NPRL2: variants seen among roughly 807,000 people sequenced by gnomAD.
NPRL2 encodes GATOR1 complex protein NPRL2.
Under a neutral mutation model 51.1 loss-of-function variants are expected in NPRL2, and 21 were observed. That is an observed-to-expected ratio of 0.41 (90% CI 0.29 to 0.59). The LOEUF is 0.59. Ranked by LOEUF, NPRL2 falls within the 20% of genes least tolerant of loss-of-function variation. The pLI is 0.29. For missense variants in NPRL2, 376 were observed against 483.4 expected, an observed-to-expected ratio of 0.78 and a Z score of 2.08; for synonymous variants, 175 against 187.8, an observed-to-expected ratio of 0.93 and a Z score of 0.56.
rs1314912173 is a variant in NPRL2, at chr3:50,348,285, C to G, written c.814+32G>C. 3 of 1,613,818 alleles carry G rather than the reference C, an allele frequency of 1.9e-6. No individual in the cohort carries two copies. Among genetic ancestry groups the G allele is most frequent in the Non-Finnish European group, 2.5e-6 (3 of 1,179,880 alleles). On this transcript the variant is annotated intron_variant, in intron 8 of 10. Transcript: ENST00000232501. The surrounding 1 kb of genome is among the most constrained non-coding windows in gnomAD (Gnocchi z 5.8). Reference sequence around the variant, plus strand: ...AGCTCATCATGTGGCCCTGCCCTCCCCAAGATGGCTTCCCCCAGAACCCAC... The same window carrying G: ...AGCTCATCATGTGGCCCTGCCCTCCGCAAGATGGCTTCCCCCAGAACCCAC...
chr3:50,348,621 C>A lies in NPRL2; in HGVS notation c.684-58G>T, dbSNP rs372222934. The A allele has an allele frequency of 5.6e-6, 9 of 1,613,876 alleles. No individual in the cohort carries two copies. The highest frequency in any genetic ancestry group is 6.8e-6 in the Non-Finnish European group (8 of 1,179,970). ...ACCATGCCTTCCCAACCCTCACACC[C>A]AGGGCCCCTGAGGTCTTCCCTGGCT... is the stretch of plus-strand genomic sequence containing the variant. On this transcript the variant is annotated intron_variant, in intron 6 of 10. Transcript: ENST00000232501. The surrounding 1 kb of genome is among the most constrained non-coding windows in gnomAD (Gnocchi z 5.8).
At position 50,350,712 on chromosome 3, in the gene NPRL2, CCTGTGAACACT is replaced by C. The variant is rs1280882033; in HGVS notation, c.-71_-61del. 10 of 1,550,022 alleles carry C rather than the reference CCTGTGAACACT, an allele frequency of 6.5e-6. No homozygotes were observed. The African/African-American group carries it at 1.4e-4, about 21-fold the overall frequency. ...TCCTCGCGCAGAGGCGTCCCCACCT[CCTGTGAACACT>C]TGTCAGAGACAGCCTCGAGGCCTGT... On this transcript the variant is annotated 5_prime_UTR_variant, in exon 1 of 11. Coordinates refer to ENST00000232501, the MANE Select transcript of NPRL2 (RefSeq NM_006545.5). This position sits in a 1 kb window ranked among gnomAD's most constrained non-coding sequence, Gnocchi z 5.7.
chr3:50,348,855 C>G lies in NPRL2; in HGVS notation c.585+19G>C, dbSNP rs1703648998. ...TGTGGCCAGCCCCAGGTGATGATAC[C>G]CAGGGAGGGATGGCATACTTGTTGT... On this transcript the variant is annotated intron_variant, in intron 5 of 10. Coordinates refer to ENST00000232501, the MANE Select transcript of NPRL2 (RefSeq NM_006545.5). The surrounding 1 kb of genome is among the most constrained non-coding windows in gnomAD (Gnocchi z 5.8). 6.2e-7 allele frequency: 1 copy of G among 1,613,782 alleles called. No homozygotes were observed. Among genetic ancestry groups the G allele is most frequent in the African/African-American group, 1.3e-5 (1 of 74,886 alleles).
rs1703721311 is a variant in NPRL2 at position 50,350,488 on chromosome 3, A to AC, written c.78+86_78+87insG. 3.0e-6 allele frequency: 4 copies of AC among 1,347,060 alleles called. No homozygotes were observed. The highest frequency in any genetic ancestry group is 4.1e-6 in the Non-Finnish European group (4 of 971,342). The allele number at this position is 1,347,060 out of a possible 1,614,324, so 83.4% of individuals were successfully genotyped here. A position where few individuals can be genotyped will look rare whatever the true frequency, so the allele number is the denominator to read the frequency against. Reference sequence around the variant, plus strand: ...CGAATGAAGCAGCATGCCTGCGTGCAGCACGGGAAACTACTGCCTTCAGGC... The same window carrying AC: ...CGAATGAAGCAGCATGCCTGCGTGCACGCACGGGAAACTACTGCCTTCAGGC... On this transcript the variant is annotated intron_variant, in intron 1 of 10. Transcript: ENST00000232501. The surrounding 1 kb of genome is among the most constrained non-coding windows in gnomAD (Gnocchi z 5.7).
rs888882412 is a variant in NPRL2 at position 50,348,801 on chromosome 3, G to A, written c.586-19C>T. 5 of 1,614,046 alleles carry A rather than the reference G, an allele frequency of 3.1e-6. No homozygotes were observed. The East Asian group carries it at 8.9e-5, about 29-fold the overall frequency. ...GCAGGATCTGGGCAGAGTGGGACAA[G>A]GTCAGAAGAAACAGGATGAGGCCAG... On this transcript the variant is annotated intron_variant, in intron 5 of 10. Transcript: ENST00000232501. The surrounding 1 kb of genome is among the most constrained non-coding windows in gnomAD (Gnocchi z 5.8).
chr3:50,347,609 C>A lies in NPRL2; in HGVS notation c.1140G>T (p.Lys380Asn), dbSNP rs745723301. ...ENDPNIIICW[K>N] ...GTCCATCCAGTCACTACCAGCCTCA[C>A]TTCCAGCAGATGATGATGTTGGGGT... The change falls in exon 11 of 11, where the codon AAG (lysine) becomes AAT (asparagine). Residue 380 changes from lysine to asparagine, a missense_variant. Coordinates refer to ENST00000232501, the MANE Select transcript of NPRL2 (RefSeq NM_006545.5). 1 of 1,614,118 alleles carries A rather than the reference C, an allele frequency of 6.2e-7. No homozygotes were observed. The highest frequency in any genetic ancestry group is 1.1e-5 in the South Asian group (1 of 91,086).
Position 50,348,467 on chromosome 3 carries a change from G to A in NPRL2, c.721-57C>T, listed in dbSNP as rs1703635018. ...GTGAGGGGCTTGGGAAGCTGACACA[G>A]CCCTGGTCTGGTCCAGCCACATGAT... On this transcript the variant is annotated intron_variant, in intron 7 of 10. Coordinates refer to ENST00000232501, the MANE Select transcript of NPRL2 (RefSeq NM_006545.5). This position sits in a 1 kb window ranked among gnomAD's most constrained non-coding sequence, Gnocchi z 5.8. 1.2e-6 allele frequency: 2 copies of A among 1,613,218 alleles called. No homozygotes were observed. The highest frequency in any genetic ancestry group is 1.3e-5 in the African/African-American group (1 of 74,880).
At position 50,348,883 on chromosome 3, in the gene NPRL2, A is replaced by G. The variant is rs587773004; in HGVS notation, c.576T>C (p.Thr192=). 4.1e-5 allele frequency: 66 copies of G among 1,614,032 alleles called. 3 individuals are homozygous for G. In the South Asian group the frequency reaches 7.2e-4, roughly 18 times the overall value. The change falls in exon 5 of 11, where the codon ACT becomes ACC. Residue 192 remains threonine (T), a synonymous_variant. Coordinates refer to ENST00000232501, the MANE Select transcript of NPRL2 (RefSeq NM_006545.5). This position sits in a 1 kb window ranked among gnomAD's most constrained non-coding sequence, Gnocchi z 5.8. ...EDFFNSQWDL[T]TQQILPYIDG... Reference sequence around the variant, plus strand: ...GGGAGGGATGGCATACTTGTTGTGTAGTGAGGTCCCACTGTGAGTTGAAGA... The same window carrying G: ...GGGAGGGATGGCATACTTGTTGTGTGGTGAGGTCCCACTGTGAGTTGAAGA...
chr3:50,348,703 A>G lies in NPRL2; in HGVS notation c.665T>C (p.Ile222Thr). ...CACTCACAGCAGGTTCTGGATAGCA[A>G]TGCGCACCAGGTTGAGCTCCACATC... ...EADVELNLVR[I>T]AIQNLLYYGV... The change falls in exon 6 of 11, where the codon ATT becomes ACT. Residue 222 changes from isoleucine to threonine, a missense_variant. Ile to Thr is a moderately conservative substitution (Grantham distance 89, BLOSUM62 -1). Coordinates refer to ENST00000232501, the MANE Select transcript of NPRL2 (RefSeq NM_006545.5). The surrounding 1 kb of genome is among the most constrained non-coding windows in gnomAD (Gnocchi z 5.8). The G allele has an allele frequency of 1.9e-6, 3 of 1,613,990 alleles. No individual in the cohort carries two copies. The highest frequency in any genetic ancestry group is 2.5e-6 in the Non-Finnish European group (3 of 1,180,028).
chr3:50,350,741 A>G lies in NPRL2; in HGVS notation c.-89T>C. 5 of 1,513,212 alleles carry G rather than the reference A, an allele frequency of 3.3e-6. No individual in the cohort carries two copies. Among genetic ancestry groups the G allele is most frequent in the Non-Finnish European group, 4.4e-6 (5 of 1,130,094 alleles). 93.7% of individuals were successfully genotyped at this position (1,513,212 alleles called of 1,614,324 possible). A position where few individuals can be genotyped will look rare whatever the true frequency, so the allele number is the denominator to read the frequency against. On this transcript the variant is annotated 5_prime_UTR_variant, in exon 1 of 11. Transcript: ENST00000232501. This position sits in a 1 kb window ranked among gnomAD's most constrained non-coding sequence, Gnocchi z 5.7. ...TGAACACTTGTCAGAGACAGCCTCG[A>G]GGCCTGTGTCGCTGGGGCACGCAAG...
rs1310326569 is a variant in NPRL2, at chr3:50,348,866, T to C, written c.585+8A>G. On this transcript the variant is annotated splice_region_variant and intron_variant, in intron 5 of 10. Transcript: ENST00000232501. This position sits in a 1 kb window ranked among gnomAD's most constrained non-coding sequence, Gnocchi z 5.8. ...CCAGGTGATGATACCCAGGGAGGGA[T>C]GGCATACTTGTTGTGTAGTGAGGTC... 3.1e-6 allele frequency: 5 copies of C among 1,613,872 alleles called. No individual in the cohort carries two copies. The highest frequency in any genetic ancestry group is 2.7e-5 in the African/African-American group (2 of 74,914).
In NPRL2 at chr3:50,348,753, G is replaced by A; in HGVS notation, c.615C>T (p.His205=). The A allele has an allele frequency of 6.2e-7, 1 of 1,614,046 alleles. No individual in the cohort carries two copies. The highest frequency in any genetic ancestry group is 2.2e-5 in the East Asian group (1 of 44,882). ...QILPYIDGFR[H]IQKISAEADV... ...CTGCCTCTGCTGAAATCTTCTGGAT[G>A]TGGCGGAACCCATCAATGTAGGGCA... The change falls in exon 6 of 11, where the codon CAC becomes CAT. Residue 205 remains histidine, a synonymous_variant. Coordinates refer to ENST00000232501, the MANE Select transcript of NPRL2 (RefSeq NM_006545.5). This position sits in a 1 kb window ranked among gnomAD's most constrained non-coding sequence, Gnocchi z 5.8.
At chr3:50,347,996 T>C in intron 9 of NPRL2, 95 bp from the exon 10 acceptor site, 1 of 1,598,252 alleles carries the variant, frequency 6.3e-7, no homozygotes, top group Non-Finnish European at 8.6e-7. Flanking sequence ...ATTTTGTCTC[T>C]GTAGCCCATC....
Position 50,349,069 on chromosome 3 carries a change from C to T in NPRL2, c.449-59G>A. 1.3e-6 allele frequency: 2 copies of T among 1,580,428 alleles called. No individual in the cohort carries two copies. The highest frequency in any genetic ancestry group is 1.3e-5 in the African/African-American group (1 of 74,148). The stretch of plus-strand genomic sequence containing the variant: ...CTTCTTCCAAGAGGTCCTCAATTAC[C>T]ATCCAGGCCTCCCAGCATCCCTTGG... On this transcript the variant is annotated intron_variant, in intron 4 of 10. Transcript: ENST00000232501. This position sits in a 1 kb window ranked among gnomAD's most constrained non-coding sequence, Gnocchi z 4.6.
chr3:50,348,524 T>TA lies in NPRL2; in HGVS notation c.720+2dup. 6.2e-7 allele frequency: 1 copy of TA among 1,614,112 alleles called. No individual in the cohort carries two copies. The highest frequency in any genetic ancestry group is 8.5e-7 in the Non-Finnish European group (1 of 1,180,010). On this transcript the variant is annotated splice_region_variant and intron_variant, in intron 7 of 10. Transcript: ENST00000232501. This position sits in a 1 kb window ranked among gnomAD's most constrained non-coding sequence, Gnocchi z 5.8. ...TCCACTTAACCAAACCCAACTCACC[T>TA]ACCTGGAGGATGGACACCAGTGTCA... is the stretch of plus-strand genomic sequence containing the variant.
chr3:50,348,916 C>T lies in NPRL2; in HGVS notation c.543G>A (p.Lys181=), dbSNP rs1170324389. Residue 181 remains lysine (K), a synonymous_variant, in exon 5 of 11, where the codon AAG becomes AAA. Coordinates refer to ENST00000232501, the MANE Select transcript of NPRL2 (RefSeq NM_006545.5). This position sits in a 1 kb window ranked among gnomAD's most constrained non-coding sequence, Gnocchi z 5.8. ...EYDVPVFTKD[K]EDFFNSQWDL... ...CCCACTGTGAGTTGAAGAAATCCTC[C>T]TTGTCTTTGGTAAAGACAGGTACAT... 6.2e-7 allele frequency: 1 copy of T among 1,613,978 alleles called. No individual in the cohort carries two copies. Among genetic ancestry groups the T allele is most frequent in the Non-Finnish European group, 8.5e-7 (1 of 1,180,036 alleles).
Position 50,348,823 on chromosome 3 carries a change from C to A in NPRL2, c.586-41G>T, listed in dbSNP as rs1445556364. 1 of 1,613,992 alleles carries A rather than the reference C, an allele frequency of 6.2e-7. No individual in the cohort carries two copies. The highest frequency in any genetic ancestry group is 8.5e-7 in the Non-Finnish European group (1 of 1,179,970). On this transcript the variant is annotated intron_variant, in intron 5 of 10. Transcript: ENST00000232501. This position sits in a 1 kb window ranked among gnomAD's most constrained non-coding sequence, Gnocchi z 5.8. ...CAAGGTCAGAAGAAACAGGATGAGGCCAGGGCTGTGGCCAGCCCCAGGTGA... is the reference window on the plus strand; with the variant it reads ...CAAGGTCAGAAGAAACAGGATGAGGACAGGGCTGTGGCCAGCCCCAGGTGA...
In NPRL2 at chr3:50,349,093, G is replaced by A. The variant is rs1370032380; in HGVS notation, c.449-83C>T. 6.6e-7 allele frequency: 1 copy of A among 1,506,148 alleles called. No homozygotes were observed. Among genetic ancestry groups the A allele is most frequent in the African/African-American group, 1.4e-5 (1 of 71,910 alleles). The allele number at this position is 1,506,148 out of a possible 1,614,324, so 93.3% of individuals were successfully genotyped here. A position where few individuals can be genotyped will look rare whatever the true frequency, so the allele number is the denominator to read the frequency against. ...CCATCCAGGCCTCCCAGCATCCCTT[G>A]GGGCAAGCAGGTGCCTCTGGGTAGG... On this transcript the variant is annotated intron_variant, in intron 4 of 10. Transcript: ENST00000232501. This position sits in a 1 kb window ranked among gnomAD's most constrained non-coding sequence, Gnocchi z 4.6.
In NPRL2 at chr3:50,349,151, G is replaced by A. The variant is rs888975682; in HGVS notation, c.449-141C>T. On this transcript the variant is annotated intron_variant, in intron 4 of 10. Transcript: ENST00000232501. This position sits in a 1 kb window ranked among gnomAD's most constrained non-coding sequence, Gnocchi z 4.6. Reference sequence around the variant, plus strand: ...TTTCTCTTTTTATGGAGTGAGAAACGGAGGCCCACAAAGGGGAAGGAATTG... The same window carrying A: ...TTTCTCTTTTTATGGAGTGAGAAACAGAGGCCCACAAAGGGGAAGGAATTG... 14 of 1,091,966 alleles carry A rather than the reference G, an allele frequency of 1.3e-5. No homozygotes were observed. The highest frequency in any genetic ancestry group is 2.6e-5 in the Admixed American group (1 of 37,800). 67.6% of individuals were successfully genotyped at this position (1,091,966 alleles called of 1,614,324 possible).
Sources: gnomAD v4.1 joint callset for allele counts on GRCh38, gnomAD v4.1.1 for gene constraint, Gnocchi (gnomAD v3.1) non-coding constraint, MANE v1.5 for transcripts, NCBI Gene and HGNC (gene_info 2026-07-23, HGNC 2026-07-21) for gene names.